The following GBE1 variants were observed in gnomAD, a reference collection of about 807,000 sequenced individuals.
GBE1 encodes the protein 1,4-alpha-glucan-branching enzyme.
In GBE1, 70 loss-of-function variants were observed where a neutral mutation model predicts 88.8. The observed-to-expected ratio is 0.79, with a 90% CI of 0.65 to 0.96. The LOEUF is 0.96. GBE1 is among the 40% of genes least tolerant of loss of function. The pLI, the probability that GBE1 is intolerant of heterozygous loss-of-function variation, is 0.00. For synonymous variants in GBE1, 284 were observed against 300.1 expected, an observed-to-expected ratio of 0.95 and a Z score of 0.56; for missense variants, 872 against 871.0, an observed-to-expected ratio of 1.00 and a Z score of -0.01.
intron 12 of GBE1, among the ~76,000 whole-genome samples, chr3:81,566,842 A>C (rs1703501027): frequency 6.6e-6 from 1 of 152,000 alleles, no homozygotes; most frequent in Non-Finnish European, 1.5e-5. Flanking sequence ...TGTGCTTTGG[A>C]ACTACAGTTC....
At chr3:81,613,213 T>C (rs942951095) in intron 7 of GBE1, 6 of 214,608 alleles carry the variant, frequency 2.8e-5, no homozygotes, top group Non-Finnish European at 5.4e-5. Flanking sequence ...CTCTACACCA[T>C]GATTCTCAAC....
chr3:81,502,395 C>T (rs1702599213), intron 14 of GBE1, among the ~76,000 whole-genome samples: 1 of 152,124 alleles, frequency 6.6e-6, no homozygotes, highest in African/African-American at 2.4e-5. Flanking sequence ...TCAATTTAGA[C>T]ATGTTTCTCT....
rs145885010 is a variant in GBE1, at chr3:81,503,208, A to G, written c.1935-3981T>C. On this transcript the variant is annotated intron_variant, in intron 14 of 15. Transcript: ENST00000429644. ...CAAAAATAAGGAAGACATGGTCTTC[A>G]TGTACATGTGACTCACAGCCTGTAA... Among the ~76,000 whole-genome samples, 50 of 152,340 alleles carry G rather than the reference A, an allele frequency of 3.3e-4. No individual in the cohort carries two copies. The East Asian group carries it at 8.3e-3, about 25-fold the overall frequency.
At chr3:81,551,661 C>T (rs1703272942) in intron 12 of GBE1, among the ~76,000 whole-genome samples, 1 of 152,210 alleles carries the variant, frequency 6.6e-6, no homozygotes, top group African/African-American at 2.4e-5. Context: ...CAATGTTCAT[C>T]TTACTATGAC....
intron 1 of GBE1, among the ~76,000 whole-genome samples, chr3:81,706,226 G>T (rs913701094): frequency 1.3e-5 from 2 of 152,106 alleles, no homozygotes; most frequent in African/African-American, 4.8e-5. Flanking sequence ...GATTTGGCCT[G>T]CAGCCTTTTC....
At chr3:81,702,110 T>A (rs530350967) in intron 2 of GBE1, among the ~76,000 whole-genome samples, 6,171 of 27,010 alleles carry the variant, frequency 0.23, 233 homozygotes, top group African/African-American at 0.38. Flanking sequence ...AGAGTGTGTG[T>A]GTGTGTGTGT....
chr3:81,591,918 A>G (rs529477570), intron 8 of GBE1, among the ~76,000 whole-genome samples: 1 of 152,148 alleles, frequency 6.6e-6, no homozygotes, highest in East Asian at 1.9e-4. Context: ...TGGAAGTCTT[A>G]TACTTCAAGT....
intron 3 of GBE1, among the ~76,000 whole-genome samples, chr3:81,654,053 T>C (rs2107083011): frequency 6.6e-6 from 1 of 152,234 alleles, no homozygotes; most frequent in African/African-American, 2.4e-5. Flanking sequence ...ATCAAATTAC[T>C]TGAAAGAAAT....
chr3:81,595,321 C>A (rs892746338), intron 7 of GBE1, among the ~76,000 whole-genome samples: 1 of 151,642 alleles, frequency 6.6e-6, no homozygotes, highest in African/African-American at 2.4e-5. Context: ...TATAATAGAA[C>A]TGTATAAAAT....
chr3:81,501,279 T>C (rs1356260184), intron 14 of GBE1, among the ~76,000 whole-genome samples: 3 of 152,160 alleles, frequency 2.0e-5, no homozygotes, highest in Admixed American at 6.6e-5. Context: ...AGACAGGGGT[T>C]ATTTTAGTAG....
At chr3:81,605,090 TA>T (rs1337373832) in intron 7 of GBE1, among the ~76,000 whole-genome samples, 1 of 152,140 alleles carries the variant, frequency 6.6e-6, no homozygotes, top group Non-Finnish European at 1.5e-5. Context: ...TGCTTATGAT[TA>T]AATATTGAAA....
chr3:81,720,360 G>A (rs991691856), intron 1 of GBE1, among the ~76,000 whole-genome samples: 1 of 145,688 alleles, frequency 6.9e-6, no homozygotes, highest in Non-Finnish European at 1.5e-5. Context: ...GTGTGTGTGT[G>A]TGTATATATA....
At chr3:81,545,324 T>C (rs1403114777) in intron 12 of GBE1, among the ~76,000 whole-genome samples, 1 of 152,188 alleles carries the variant, frequency 6.6e-6, no homozygotes, top group African/African-American at 2.4e-5. Flanking sequence ...TCTGTCATTC[T>C]CCACAGCAAG....
chr3:81,529,393 A>G (rs561988861), intron 14 of GBE1, among the ~76,000 whole-genome samples: 228 of 151,900 alleles, frequency 1.5e-3, no homozygotes, highest in African/African-American at 5.3e-3. Context: ...CTGTGTACTT[A>G]TTATTACGAG....
intron 1 of GBE1, among the ~76,000 whole-genome samples, chr3:81,728,070 T>C (rs1327897157): frequency 6.6e-6 from 1 of 152,162 alleles, no homozygotes; most frequent in Non-Finnish European, 1.5e-5. Flanking sequence ...ATTTTATTTG[T>C]ATACAGATTA....
At chr3:81,665,744 A>G (rs1246887249) in intron 3 of GBE1, among the ~76,000 whole-genome samples, 2 of 152,192 alleles carry the variant, frequency 1.3e-5, no homozygotes, top group Admixed American at 1.3e-4. Flanking sequence ...CACATCCCGC[A>G]AAACACTCAA....
intron 7 of GBE1, among the ~76,000 whole-genome samples, chr3:81,607,527 G>A (rs773552800): frequency 3.9e-5 from 6 of 152,028 alleles, no homozygotes; most frequent in African/African-American, 7.2e-5. Context: ...CCAGCCTGGC[G>A]ACAGAGCAAG....
chr3:81,703,405 T>G (rs990386103), intron 2 of GBE1, among the ~76,000 whole-genome samples: 6 of 151,996 alleles, frequency 3.9e-5, no homozygotes, highest in African/African-American at 1.2e-4. Context: ...ATCTAATTTT[T>G]GGGACTACAC....
intron 1 of GBE1, among the ~76,000 whole-genome samples, chr3:81,745,378 C>T (rs1287461654): frequency 6.6e-6 from 1 of 151,918 alleles, no homozygotes; most frequent in African/African-American, 2.4e-5. Context: ...AAAATTTAGC[C>T]CTTTGCTAAC....
Sources: gnomAD v4.1 joint callset for allele counts (sites outside exome capture counted in the v4.1 genomes callset) on GRCh38, gnomAD v4.1.1 for gene constraint, MANE v1.5 for transcripts, NCBI Gene and HGNC (gene_info 2026-07-23, HGNC 2026-07-21) for gene names.